The following CD96 variants were observed in gnomAD, a reference collection of about 807,000 sequenced individuals.
CD96 encodes the protein CD96 molecule.
A neutral mutation model predicts 71.3 loss-of-function variants in CD96; 70 were observed. The ratio of observed to expected loss-of-function variants is 0.98; its 90% confidence interval spans 0.81 to 1.20. The LOEUF (loss-of-function observed/expected upper bound fraction) is 1.20. CD96 is among the 50% of genes most tolerant of loss of function. CD96 has a pLI of 0.00. For synonymous variants in CD96, 248 were observed against 233.0 expected, an observed-to-expected ratio of 1.06 and a Z score of -0.59; for missense variants, 742 against 677.5, an observed-to-expected ratio of 1.10 and a Z score of -1.06.
intron 12 of CD96, among the ~76,000 whole-genome samples, chr3:111,647,088 T>TAAAAA (rs11337310): frequency 3.0e-5 from 3 of 98,942 alleles, no homozygotes; most frequent in African/African-American, 1.1e-4. Context: ...GGGTAAAGAT[T>TAAAAA]AAAAAAAAAA....
At chr3:111,610,084 T>A (rs1352320855) in intron 8 of CD96, among the ~76,000 whole-genome samples, 1 of 152,240 alleles carries the variant, frequency 6.6e-6, no homozygotes, top group Non-Finnish European at 1.5e-5. Context: ...TTACAGTAGG[T>A]ATCTCTTACT....
At chr3:111,659,845 C>G (rs985040307) in intron 14 of CD96, among the ~76,000 whole-genome samples, 1 of 151,984 alleles carries the variant, frequency 6.6e-6, no homozygotes, top group African/African-American at 2.4e-5. Flanking sequence ...GAAAAAATTC[C>G]TCAACAGATT....
chr3:111,654,826 C>G (rs540312878), downstream of CD96, among the ~76,000 whole-genome samples: 1 of 152,340 alleles, frequency 6.6e-6, no homozygotes, highest in Admixed American at 6.5e-5. Flanking sequence ...TTGGCTACAG[C>G]ATTATGCCAT....
At chr3:111,654,246 A>C (rs1272523723), downstream of CD96, among the ~76,000 whole-genome samples, 1 of 152,198 alleles carries the variant, frequency 6.6e-6, no homozygotes, top group Non-Finnish European at 1.5e-5. Context: ...AGAAACACAT[A>C]GTGAGAATTG....
At chr3:111,604,074 T>C (rs577681368) in intron 7 of CD96, among the ~76,000 whole-genome samples, 1 of 152,330 alleles carries the variant, frequency 6.6e-6, no homozygotes, top group South Asian at 2.1e-4. Context: ...TGCTTGTCTA[T>C]GGACAACATT....
At chr3:111,631,049 G>A (rs1208113138) in intron 10 of CD96, among the ~76,000 whole-genome samples, 2 of 152,158 alleles carry the variant, frequency 1.3e-5, no homozygotes, top group East Asian at 3.9e-4. Context: ...ATATCATGCT[G>A]AATGGGCAAA....
intron 3 of CD96, chr3:111,570,617 C>A: frequency 6.3e-7 from 1 of 1,581,568 alleles, no homozygotes; most frequent in Admixed American, 1.7e-5. Flanking sequence ...AGATGTGAGA[C>A]ACCAGGCGCA....
At chr3:111,608,928 A>C (rs748792253) in intron 8 of CD96, among the ~76,000 whole-genome samples, 3 of 152,212 alleles carry the variant, frequency 2.0e-5, no homozygotes, top group Non-Finnish European at 4.4e-5. Context: ...ATAATTCAAA[A>C]TACTAAGATG....
At chr3:111,596,122 A>G (rs1937247315) in intron 5 of CD96, among the ~76,000 whole-genome samples, 1 of 152,024 alleles carries the variant, frequency 6.6e-6, no homozygotes, top group South Asian at 2.1e-4. Flanking sequence ...AGATCATGCC[A>G]CTGCACTCCA....
chr3:111,586,467 A>C (rs996064841), intron 5 of CD96, among the ~76,000 whole-genome samples: 2 of 152,298 alleles, frequency 1.3e-5, no homozygotes, highest in East Asian at 3.9e-4. Flanking sequence ...GTCTTTTGCC[A>C]GTTTCATATA....
At chr3:111,551,076 G>T (rs1934676856) in intron 2 of CD96, among the ~76,000 whole-genome samples, 1 of 152,096 alleles carries the variant, frequency 6.6e-6, no homozygotes, top group Non-Finnish European at 1.5e-5. Context: ...AAATAAAGCT[G>T]GTGATTTGGA....
chr3:111,662,984 C>T (rs1341554457), intron 14 of CD96, among the ~76,000 whole-genome samples: 1 of 152,164 alleles, frequency 6.6e-6, no homozygotes, highest in Non-Finnish European at 1.5e-5. Context: ...AGAGACATAC[C>T]TGAGACTGAG....
chr3:111,649,740 C>G lies in CD96; in HGVS notation c.1644C>G (p.Ile548Met). The stretch of plus-strand genomic sequence containing the variant: ...CTTTCAAGCCACCACCACCTCCCAT[C>G]AAGTACACTTGCATTCAAGAGCCCA... ...PPPFKPPPPPIKYTCIQEPNE... is the reference protein window; with the variant it reads ...PPPFKPPPPPMKYTCIQEPNE... Residue 548 changes from isoleucine to methionine, a missense_variant, in exon 14 of 14, where the codon ATC becomes ATG. Coordinates refer to ENST00000352690, the MANE Select transcript of CD96 (RefSeq NM_005816.5). 6.2e-7 allele frequency: 1 copy of G among 1,614,060 alleles called. No homozygotes were observed. The highest frequency in any genetic ancestry group is 8.5e-7 in the Non-Finnish European group (1 of 1,179,864).
At chr3:111,565,929 A>T (rs1351292139) in intron 2 of CD96, among the ~76,000 whole-genome samples, 1 of 151,540 alleles carries the variant, frequency 6.6e-6, no homozygotes, top group East Asian at 1.9e-4. Flanking sequence ...TTGATAAGAG[A>T]TTAAAATATA....
intron 3 of CD96, chr3:111,570,718 T>C: frequency 6.2e-7 from 1 of 1,612,554 alleles, no homozygotes; most frequent in Non-Finnish European, 8.5e-7. Context: ...GCATCATAGA[T>C]GGGGTTGATC....
chr3:111,664,049 C>T lies in CD96; in HGVS notation c.*53-1478C>T, dbSNP rs191974019. Among the ~76,000 whole-genome samples, 265 of 152,264 alleles carry T rather than the reference C, an allele frequency of 1.7e-3. 1 individual carries two copies. The highest frequency in any genetic ancestry group is 7.1e-3 in the Admixed American group (109 of 15,298). ...ACAGGCTTGAGCCACTGCGCCCAGC[C>T]GCTTATACACTTCTGGTGGGAATGT... On this transcript the variant is annotated intron_variant and NMD_transcript_variant, in intron 14 of 14. Transcript: ENST00000494798.
chr3:111,647,454 T>C, intron 12 of CD96, 89 bp from the exon 13 acceptor site: 1 of 1,191,284 alleles, frequency 8.4e-7, no homozygotes, highest in Non-Finnish European at 1.3e-6. Flanking sequence ...TTGAAGAAAA[T>C]ATGTTTCACG....
chr3:111,652,944 C>A (rs1254451765), downstream of CD96, among the ~76,000 whole-genome samples: 2 of 151,826 alleles, frequency 1.3e-5, no homozygotes, highest in Non-Finnish European at 2.9e-5. Context: ...GTTTCATTTT[C>A]ACTGAGAAAA....
At chr3:111,662,744 C>T (rs2107820965) in intron 14 of CD96, among the ~76,000 whole-genome samples, 1 of 152,306 alleles carries the variant, frequency 6.6e-6, no homozygotes, top group East Asian at 1.9e-4. Context: ...ACAACCACAG[C>T]CCGGGCTTCA....
Sources: allele counts gnomAD v4.1 joint callset (sites outside exome capture counted in the v4.1 genomes callset), GRCh38; gene constraint gnomAD v4.1.1; transcripts MANE v1.5; gene names NCBI Gene and HGNC (gene_info 2026-07-23, HGNC 2026-07-21).